Variants in NFXL1 observed in about 807,000 individuals in gnomAD.
NFXL1 encodes the protein nuclear transcription factor, X-box binding like 1, also known as NF-X1-type zinc finger protein NFXL1.
A neutral mutation model predicts 123.3 loss-of-function variants in NFXL1; 66 were observed. The ratio of observed to expected loss-of-function variants is 0.54; its 90% confidence interval spans 0.44 to 0.66. The LOEUF is 0.66. Ranked by LOEUF, NFXL1 falls within the 30% of genes least tolerant of loss-of-function variation. The pLI, the probability that NFXL1 is intolerant of heterozygous loss-of-function variation, is 0.00. For missense variants in NFXL1, 944 were observed against 1,125.6 expected, an observed-to-expected ratio of 0.84 and a Z score of 2.31; for synonymous variants, 346 against 360.8, an observed-to-expected ratio of 0.96 and a Z score of 0.46.
chr4:47,880,050 T>C (rs4695295), intron 15 of NFXL1, among the ~76,000 whole-genome samples: 4,517 of 152,134 alleles, frequency 0.03, 246 homozygotes, highest in African/African-American at 0.1. Flanking sequence ...AAATGGATGA[T>C]AGACGTCATT....
intron 15 of NFXL1, 124 bp downstream of exon 15, chr4:47,884,222 G>A (rs1308936285): frequency 1.8e-6 from 1 of 559,140 alleles, no homozygotes; most frequent in African/African-American, 1.9e-5. Context: ...CACACTAGTT[G>A]ATAGGCTAGG....
At chr4:47,858,174 T>G (rs1321327395) in intron 19 of NFXL1, among the ~76,000 whole-genome samples, 1 of 151,968 alleles carries the variant, frequency 6.6e-6, no homozygotes, top group Non-Finnish European at 1.5e-5. Flanking sequence ...AAAACCACAA[T>G]GAGATGCAAA....
At chr4:47,903,836 CCTAA>C (rs1358155947) in intron 4 of NFXL1, among the ~76,000 whole-genome samples, 2 of 152,036 alleles carry the variant, frequency 1.3e-5, no homozygotes, top group Non-Finnish European at 2.9e-5. Flanking sequence ...TAGTCTAACA[CCTAA>C]CTAATGCTAA....
intron 15 of NFXL1, among the ~76,000 whole-genome samples, chr4:47,881,810 T>C (rs1004539260): frequency 1.3e-5 from 2 of 152,086 alleles, no homozygotes; most frequent in Non-Finnish European, 2.9e-5. Context: ...AGTCCAACTA[T>C]TGACATTCTG....
At chr4:47,889,500 C>T (rs761514116) in intron 12 of NFXL1, among the ~76,000 whole-genome samples, 2 of 152,084 alleles carry the variant, frequency 1.3e-5, no homozygotes, top group Non-Finnish European at 2.9e-5. Context: ...AACCTTGGGC[C>T]AATAGTCTCC....
intron 19 of NFXL1, among the ~76,000 whole-genome samples, chr4:47,861,423 A>G (rs1734760751): frequency 6.6e-6 from 1 of 152,170 alleles, no homozygotes; most frequent in African/African-American, 2.4e-5. Flanking sequence ...AGAATCCACA[A>G]TCATGAAAAT....
Position 47,898,748 on chromosome 4 carries a change from TA to T in NFXL1, c.1089+8del. The T allele has an allele frequency of 1.3e-6, 2 of 1,524,322 alleles. No homozygotes were observed. The highest frequency in any genetic ancestry group is 1.1e-5 in the South Asian group (1 of 89,242). 94.4% of individuals were successfully genotyped at this position (1,524,322 alleles called of 1,614,324 possible). On this transcript the variant is annotated splice_region_variant and intron_variant, in intron 8 of 22. Coordinates refer to ENST00000507489, the MANE Select transcript of NFXL1 (RefSeq NM_001278624.2). ...TAATACCCACCCCTCAAAATGCATA[TA>T]AACTTACTTGATCACAGTGCCATAG... is the stretch of plus-strand genomic sequence containing the variant.
At chr4:47,901,643 C>G (rs1398547619) in intron 5 of NFXL1, among the ~76,000 whole-genome samples, 1 of 152,074 alleles carries the variant, frequency 6.6e-6, no homozygotes, top group African/African-American at 2.4e-5. Context: ...AATAATATTT[C>G]TAAAAGCCAG....
rs1738018898 is a variant in NFXL1 at position 47,914,531 on chromosome 4, G to A, written c.-169C>T. On this transcript the variant is annotated 5_prime_UTR_variant, in exon 1 of 23. Coordinates refer to ENST00000507489, the MANE Select transcript of NFXL1 (RefSeq NM_001278624.2). The stretch of plus-strand genomic sequence containing the variant: ...TCAGCCTCTGCGGGAGCGTGGTAGG[G>A]GAAGAGTCACAGACTGACCCTGCGT... The A allele has an allele frequency of 3.5e-6, 1 of 286,206 alleles. No individual in the cohort carries two copies. 17.7% of individuals were successfully genotyped at this position (286,206 alleles called of 1,614,324 possible).
At position 47,898,785 on chromosome 4, in the gene NFXL1, C is replaced by G; in HGVS notation, c.1061G>C (p.Cys354Ser). 6.2e-7 allele frequency: 1 copy of G among 1,613,186 alleles called. No homozygotes were observed. Among genetic ancestry groups the G allele is most frequent in the South Asian group, 1.1e-5 (1 of 91,066 alleles). Residue 354 changes from cysteine (C) to serine (S), a missense_variant, in exon 8 of 23, where the codon TGT becomes TCT. Cys to Ser is a moderately radical substitution (Grantham distance 112). Around this residue, in one of 4 missense-constraint regions of NFXL1, gnomAD observed 296 missense variants for 395.1 expected, o/e 0.75. Transcript: ENST00000507489. ...ATCACAGTGCCATAGTGGACTTGCACAACTTCTTTCAGCTACTTTTTTGCC... is the reference window on the plus strand; with the variant it reads ...ATCACAGTGCCATAGTGGACTTGCAGAACTTCTTTCAGCTACTTTTTTGCC... The part of the protein sequence containing the change: ...VCGKKVAERS[C>S]ASPLWHCDQV...
chr4:47,867,241 GA>G (rs34818239), intron 18 of NFXL1, among the ~76,000 whole-genome samples: 37 of 148,930 alleles, frequency 2.5e-4, no homozygotes, highest in African/African-American at 8.4e-4. Context: ...TTGAATTCAG[GA>G]AAAAAAAAAT....
intron 15 of NFXL1, among the ~76,000 whole-genome samples, chr4:47,880,426 C>CAAAAAAA (rs752132328): frequency 5.5e-5 from 2 of 36,638 alleles, no homozygotes; most frequent in African/African-American, 8.6e-5. Context: ...GATCCAGTCT[C>CAAAAAAA]AAAAAAAAAA....
chr4:47,854,812 T>C (rs1261387792), intron 20 of NFXL1, among the ~76,000 whole-genome samples: 1 of 151,914 alleles, frequency 6.6e-6, no homozygotes, highest in Non-Finnish European at 1.5e-5. Context: ...AAAATAATTT[T>C]CCTTTTACTG....
chr4:47,850,535 T>A (rs1003498733), intron 22 of NFXL1, among the ~76,000 whole-genome samples: 1 of 152,100 alleles, frequency 6.6e-6, no homozygotes, highest in Non-Finnish European at 1.5e-5. Context: ...GTATGATCAA[T>A]AAAGTAAATA....
intron 18 of NFXL1, among the ~76,000 whole-genome samples, chr4:47,863,723 C>T (rs139146479): frequency 5.3e-4 from 80 of 152,232 alleles, no homozygotes; most frequent in African/African-American, 1.9e-3. Flanking sequence ...TAGATCTGAT[C>T]ATTTTTGAAC....
chr4:47,848,758 G>A (rs962305464), intron 22 of NFXL1, among the ~76,000 whole-genome samples: 9 of 151,920 alleles, frequency 5.9e-5, no homozygotes, highest in African/African-American at 1.7e-4. Flanking sequence ...GCATGGTGGC[G>A]GGTGCCTGTA....
intron 2 of NFXL1, among the ~76,000 whole-genome samples, chr4:47,912,891 T>C (rs1221175371): frequency 6.7e-6 from 1 of 148,568 alleles, no homozygotes; most frequent in Non-Finnish European, 1.5e-5. Flanking sequence ...CAGGCGCCTG[T>C]AGTCCCAGCT....
intron 18 of NFXL1, among the ~76,000 whole-genome samples, chr4:47,863,470 C>T (rs1283994847): frequency 2.6e-5 from 4 of 152,030 alleles, no homozygotes; most frequent in Non-Finnish European, 5.9e-5. Context: ...TCACTTGAGG[C>T]TGGGAGTTCG....
intron 18 of NFXL1, among the ~76,000 whole-genome samples, chr4:47,865,748 TCGGAGGCCGAGGAAGGTGAACTGC>T (rs376891574): frequency 0.03 from 4,510 of 152,132 alleles, 244 homozygotes; most frequent in African/African-American, 0.1. Flanking sequence ...CCCAGCACTT[TCGGAGGCCGAGGAAGGTGAACTGC>T]CGGAGGCCGA....
Sources: allele counts gnomAD v4.1 joint callset (sites outside exome capture counted in the v4.1 genomes callset), GRCh38; gene constraint gnomAD v4.1.1; regional missense constraint gnomAD v4.1.1; transcripts MANE v1.5; gene names NCBI Gene and HGNC (gene_info 2026-07-23, HGNC 2026-07-21).